The following PIKFYVE variants were observed in gnomAD, a reference collection of about 807,000 sequenced individuals.
PIKFYVE encodes the protein 1-phosphatidylinositol 3-phosphate 5-kinase.
A neutral mutation model predicts 257.9 loss-of-function variants in PIKFYVE; 122 were observed. The observed-to-expected ratio is 0.47, with a 90% CI of 0.41 to 0.55. The LOEUF is 0.55. Ranked by LOEUF, PIKFYVE falls within the 20% of genes least tolerant of loss-of-function variation. The pLI is 0.00. For synonymous variants in PIKFYVE, 892 were observed against 868.9 expected (o/e 1.03, Z -0.47); for missense variants, 2,160 against 2,536.6 (o/e 0.85, Z 3.19).
At chr2:208,334,590 C>T (rs891859972) in intron 24 of PIKFYVE, 3 of 152,558 alleles carry the variant, frequency 2.0e-5, no homozygotes, top group African/African-American at 7.2e-5. Context: ...TTCCTTGTGT[C>T]TTACAAGTCT....
intron 1 of PIKFYVE, among the ~76,000 whole-genome samples, chr2:208,270,871 T>G (rs931983460): frequency 4.0e-5 from 6 of 151,814 alleles, no homozygotes; most frequent in African/African-American, 1.5e-4. Flanking sequence ...CCATCTCTAC[T>G]GAAAATACAA....
intron 18 of PIKFYVE, 38 bp from the exon 19 acceptor site, chr2:208,324,873 T>C (rs776391699): frequency 6.2e-7 from 1 of 1,603,994 alleles, no homozygotes; most frequent in South Asian, 1.1e-5. Context: ...TTTTTATTCT[T>C]CTCTAGTTTT....
At position 208,350,805 on chromosome 2, in the gene PIKFYVE, G is replaced by T; in HGVS notation, c.5469G>T (p.Arg1823=). 1 of 1,614,152 alleles carries T rather than the reference G, an allele frequency of 6.2e-7. No homozygotes were observed. The change falls in exon 37 of 42, where the codon CGG becomes CGT. Residue 1823 remains arginine, a synonymous_variant. Transcript: ENST00000264380. The stretch of plus-strand genomic sequence containing the variant: ...ATGCTAATGCCAAGTTTTACTGTCG[G>T]CTCTACTATGCGGGAGAGTTTCATA... ...FSDANAKFYC[R]LYYAGEFHKM...
chr2:208,339,096 G>T (rs545204111), intron 29 of PIKFYVE, among the ~76,000 whole-genome samples: 83 of 152,240 alleles, frequency 5.5e-4, no homozygotes, highest in Non-Finnish European at 9.0e-4. Flanking sequence ...TTCTCAGAGT[G>T]TCCTAATTTC....
At chr2:208,303,880 C>T (rs1414246350) in intron 10 of PIKFYVE, among the ~76,000 whole-genome samples, 3 of 152,200 alleles carry the variant, frequency 2.0e-5, no homozygotes, top group Non-Finnish European at 4.4e-5. Flanking sequence ...AAGCTATCTT[C>T]ACTCTCAGGA....
rs1695358473 is a variant in PIKFYVE at position 208,315,208 on chromosome 2, C to A, written c.1842C>A (p.Asn614Lys). The part of the protein sequence containing the change: ...AMERLLSANH[N>K]HMMALLQQLL... Reference sequence around the variant, plus strand: ...ATTTTTGTAGTTCAGCTAATCATAACCACATGATGGCACTACTCCAGCAGT... The same window carrying A: ...ATTTTTGTAGTTCAGCTAATCATAAACACATGATGGCACTACTCCAGCAGT... Residue 614 changes from asparagine to lysine, a missense_variant, in exon 15 of 42, where the codon AAC becomes AAA. Physicochemically the swap from Asn to Lys is moderately conservative, Grantham distance 94. Coordinates refer to ENST00000264380, the MANE Select transcript of PIKFYVE (RefSeq NM_015040.4). The A allele has an allele frequency of 6.2e-7, 1 of 1,613,656 alleles. No homozygotes were observed. The highest frequency in any genetic ancestry group is 1.3e-5 in the African/African-American group (1 of 74,908).
At chr2:208,279,871 G>C (rs1690581421) in intron 5 of PIKFYVE, among the ~76,000 whole-genome samples, 1 of 151,982 alleles carries the variant, frequency 6.6e-6, no homozygotes, top group African/African-American at 2.4e-5. Context: ...AATTCATATA[G>C]AACCAAAAAA....
intron 6 of PIKFYVE, among the ~76,000 whole-genome samples, chr2:208,286,823 C>G (rs1691638358): frequency 6.6e-6 from 1 of 152,004 alleles, no homozygotes; most frequent in African/African-American, 2.4e-5. Context: ...TGCACCTGGC[C>G]TCTGATTATT....
chr2:208,314,944 C>G (rs974368837), intron 14 of PIKFYVE, among the ~76,000 whole-genome samples: 2 of 151,998 alleles, frequency 1.3e-5, no homozygotes, highest in African/African-American at 4.8e-5. Context: ...TGTCTGTCCC[C>G]ATTTTACGTG....
At chr2:208,271,824 T>C in intron 2 of PIKFYVE, 133 bp downstream of exon 2, 1 of 854,312 alleles carries the variant, frequency 1.2e-6, no homozygotes, top group Non-Finnish European at 1.8e-6. Flanking sequence ...TGTAAGAAAG[T>C]GAAATATTAA....
At chr2:208,332,499 A>C (rs905110817) in intron 23 of PIKFYVE, among the ~76,000 whole-genome samples, 21 of 152,192 alleles carry the variant, frequency 1.4e-4, no homozygotes, top group African/African-American at 5.1e-4. Context: ...GGATATTTGT[A>C]AATATGTATA....
intron 10 of PIKFYVE, 55 bp downstream of exon 10, chr2:208,302,408 T>G (rs555855666): frequency 7.0e-7 from 1 of 1,430,492 alleles, no homozygotes; most frequent in South Asian, 1.2e-5. Flanking sequence ...TTTATAGTCT[T>G]TCTTCATCAG....
rs1699881006 is a variant in PIKFYVE, at chr2:208,352,642, T to C, written c.5716-12T>C. 1.9e-6 allele frequency: 3 copies of C among 1,612,770 alleles called. No individual in the cohort carries two copies. The highest frequency in any genetic ancestry group is 1.1e-5 in the South Asian group (1 of 90,868). ...TTTTGATAAGAATTTATTTTGACCT[T>C]CTCTTGATTAGAGGCCCACGGCGTT... On this transcript the variant is annotated splice_polypyrimidine_tract_variant and intron_variant, in intron 38 of 41. Coordinates refer to ENST00000264380, the MANE Select transcript of PIKFYVE (RefSeq NM_015040.4).
chr2:208,328,053 T>G (rs1485828973), intron 20 of PIKFYVE, 127 bp from the exon 21 acceptor site: 1 of 1,545,148 alleles, frequency 6.5e-7, no homozygotes, highest in African/African-American at 1.4e-5. Context: ...TTCTGTAGTT[T>G]TAAATCTTGA....
In PIKFYVE at chr2:208,277,610, C is replaced by T. The variant is rs1690275240; in HGVS notation, c.515C>T (p.Thr172Ile). 6.2e-7 allele frequency: 1 copy of T among 1,613,924 alleles called. No homozygotes were observed. Among genetic ancestry groups the T allele is most frequent in the Non-Finnish European group, 8.5e-7 (1 of 1,179,816 alleles). The change falls in exon 5 of 42, where the codon ACA becomes ATA. Residue 172 changes from threonine (T) to isoleucine (I), a missense_variant. Thr to Ile is a moderately conservative substitution (Grantham distance 89, BLOSUM62 -1). Around this residue, in one of 12 missense-constraint regions of PIKFYVE, gnomAD observed 28 missense variants for 68.2 expected, o/e 0.41. Coordinates refer to ENST00000264380, the MANE Select transcript of PIKFYVE (RefSeq NM_015040.4). The part of the protein sequence containing the change: ...KECYDCSEKF[T>I]TFRRRHHCRL... ...TGCTATGACTGTAGTGAGAAATTTA[C>T]AACCTTTAGGCGCAGACACCATTGC...
intron 12 of PIKFYVE, among the ~76,000 whole-genome samples, chr2:208,309,547 G>T (rs1694727839): frequency 6.6e-6 from 1 of 152,204 alleles, no homozygotes; most frequent in Admixed American, 6.5e-5. Context: ...ATAGAACGAG[G>T]TTGCCAGGAT....
In PIKFYVE at chr2:208,315,335, G is replaced by T; in HGVS notation, c.1969G>T (p.Asp657Tyr). The T allele has an allele frequency of 6.2e-7, 1 of 1,614,178 alleles. No homozygotes were observed. The highest frequency in any genetic ancestry group is 8.5e-7 in the Non-Finnish European group (1 of 1,180,008). Residue 657 changes from aspartate (D) to tyrosine (Y), a missense_variant, in exon 15 of 42, where the codon GAT (aspartate) becomes TAT (tyrosine). By Grantham distance (160) the Asp-to-Tyr change is radical (BLOSUM62 -3). Coordinates refer to ENST00000264380, the MANE Select transcript of PIKFYVE (RefSeq NM_015040.4). ...TVRPDVKNQD[D>Y]DMDIRQFVHI... ...CCGACCTGATGTCAAGAACCAGGAT[G>T]ATGACATGGATATCCGTCAGTTTGT...
At position 208,326,006 on chromosome 2, in the gene PIKFYVE, C is replaced by A; in HGVS notation, c.3195C>A (p.Pro1065=). The A allele has an allele frequency of 6.2e-7, 1 of 1,614,142 alleles. No individual in the cohort carries two copies. The highest frequency in any genetic ancestry group is 8.5e-7 in the Non-Finnish European group (1 of 1,180,012). Reference sequence around the variant, plus strand: ...CCCCAGTAATCACATTCCGAGAACCCTTTCTTTTAACTGAAAAGGGGATGA... The same window carrying A: ...CCCCAGTAATCACATTCCGAGAACCATTTCTTTTAACTGAAAAGGGGATGA... The part of the protein sequence containing the change: ...CISPVITFRE[P]FLLTEKGMRC... Residue 1065 remains proline, a synonymous_variant, in exon 20 of 42, where the codon CCC becomes CCA. Transcript: ENST00000264380.
At position 208,303,034 on chromosome 2, in the gene PIKFYVE, A is replaced by ATT. The variant is rs1230010526; in HGVS notation, c.1320+682_1320+683dup. ...GAGGTGGAGCTTGCAGTGAGCCGAG[A>ATT]TTGCGCCACTGCACTCCAGCCTGGG... On this transcript the variant is annotated intron_variant, in intron 10 of 41. Coordinates refer to ENST00000264380, the MANE Select transcript of PIKFYVE (RefSeq NM_015040.4). Among the ~76,000 whole-genome samples the ATT allele has an allele frequency of 2.0e-5, 3 of 152,276 alleles. No homozygotes were observed. In the East Asian group the frequency reaches 5.8e-4, roughly 29 times the overall value.
Sources: allele counts gnomAD v4.1 joint callset (sites outside exome capture counted in the v4.1 genomes callset), GRCh38; gene constraint gnomAD v4.1.1; regional missense constraint gnomAD v4.1.1; transcripts MANE v1.5; gene names NCBI Gene and HGNC (gene_info 2026-07-23, HGNC 2026-07-21).